MECR: variants seen among roughly 807,000 people sequenced by gnomAD.
MECR encodes mitochondrial trans-2-enoyl-CoA reductase.
In MECR, 37 loss-of-function variants were observed where a neutral mutation model predicts 49.1. That is an observed-to-expected ratio of 0.75 (90% CI 0.58 to 0.99). The LOEUF (loss-of-function observed/expected upper bound fraction) is 0.99. MECR is among the 50% of genes least tolerant of loss of function. MECR has a pLI of 0.00. For synonymous variants in MECR, 198 were observed against 191.1 expected (o/e 1.04, Z -0.30); for missense variants, 470 against 479.6 (o/e 0.98, Z 0.19).
chr1:29,191,493 C>T (rs1673131316), downstream of MECR, among the ~76,000 whole-genome samples: 1 of 152,154 alleles, frequency 6.6e-6, no homozygotes, highest in African/African-American at 2.4e-5. Flanking sequence ...GACACCTCAC[C>T]TGGCCTAAAG....
intron 1 of MECR, among the ~76,000 whole-genome samples, chr1:29,227,547 A>G (rs915385480): frequency 5.3e-5 from 8 of 152,230 alleles, no homozygotes; most frequent in African/African-American, 1.7e-4. Flanking sequence ...ACGTGAGAAC[A>G]GGAGAAACCT....
Position 29,193,610 on chromosome 1 carries a change from C to A in MECR, c.*412G>T, listed in dbSNP as rs1472329342. 5.5e-6 allele frequency: 1 copy of A among 182,190 alleles called. No homozygotes were observed. 11.3% of individuals were successfully genotyped at this position (182,190 alleles called of 1,614,324 possible). A position where few individuals can be genotyped will look rare whatever the true frequency, so the allele number is the denominator to read the frequency against. ...CATCAAAGCGTTTGTTCTACAGGAC[C>A]CTCGTCTGTGGGCTTGTGCAGCTTG... On this transcript the variant is annotated 3_prime_UTR_variant, in exon 10 of 10. Coordinates refer to ENST00000263702, the MANE Select transcript of MECR (RefSeq NM_016011.5).
chr1:29,178,453 C>A, the MECR span, among the ~76,000 whole-genome samples: 2 of 151,574 alleles, frequency 1.3e-5, no homozygotes, highest in African/African-American at 4.9e-5. Flanking sequence ...ACGCCATTCT[C>A]CTGCCTCAGC....
chr1:29,184,770 C>T, the MECR span, among the ~76,000 whole-genome samples: 113 of 151,052 alleles, frequency 7.5e-4, 4 homozygotes, highest in South Asian at 0.022. Flanking sequence ...CAGGCCACAG[C>T]GCCCAGCCTA....
intron 4 of MECR, among the ~76,000 whole-genome samples, chr1:29,205,239 C>T (rs1400185032): frequency 2.6e-5 from 4 of 152,172 alleles, no homozygotes; most frequent in East Asian, 1.9e-4. Context: ...GGCTGGAGTG[C>T]GGTGGTGCAA....
chr1:29,197,498 C>T (rs1574257850), intron 7 of MECR, among the ~76,000 whole-genome samples: 1 of 152,168 alleles, frequency 6.6e-6, no homozygotes, highest in Non-Finnish European at 1.5e-5. Flanking sequence ...AGTGAATAAG[C>T]CTGGAGTTCA....
chr1:29,181,913 C>T, the MECR span: 1 of 469,440 alleles, frequency 2.1e-6, no homozygotes, highest in Non-Finnish European at 3.5e-6. Flanking sequence ...CTCGCGAGCG[C>T]GCGCTTCCAC....
chr1:29,226,416 C>T (rs1449663970), intron 1 of MECR, among the ~76,000 whole-genome samples: 4 of 152,100 alleles, frequency 2.6e-5, no homozygotes, highest in Non-Finnish European at 4.4e-5. Flanking sequence ...GAATGACCTA[C>T]AATTTCACCT....
chr1:29,187,553 A>T, the MECR span, among the ~76,000 whole-genome samples: 3 of 151,650 alleles, frequency 2.0e-5, no homozygotes, highest in Non-Finnish European at 4.4e-5. Context: ...CCCTGAGGAA[A>T]GTGTGCGTAA....
At chr1:29,203,300 C>A in intron 4 of MECR, 67 bp from the exon 5 acceptor site, 2 of 1,291,432 alleles carry the variant, frequency 1.5e-6, no homozygotes, top group South Asian at 2.7e-5. Context: ...AGGCTCCCAG[C>A]CGGGGATCCT....
the MECR span, among the ~76,000 whole-genome samples, chr1:29,167,837 A>AT: frequency 6.6e-6 from 1 of 152,176 alleles, no homozygotes; most frequent in Non-Finnish European, 1.5e-5. Context: ...TATTTCATCC[A>AT]TTTGTATATC....
At chr1:29,209,691 G>A (rs772532197) in intron 3 of MECR, among the ~76,000 whole-genome samples, 3 of 152,218 alleles carry the variant, frequency 2.0e-5, no homozygotes, top group Non-Finnish European at 2.9e-5. Context: ...AAGGGGTGAA[G>A]AGGGTAGGCT....
In MECR at chr1:29,216,122, G is replaced by C. The variant is rs1679339682; in HGVS notation, c.289C>G (p.Leu97Val). Residue 97 changes from leucine (L) to valine (V), a missense_variant, in exon 3 of 10, where the codon CTT becomes GTT. Coordinates refer to ENST00000263702, the MANE Select transcript of MECR (RefSeq NM_016011.5). ...CCTCCAACAGCAGGCAGTTCAGGAA[G>C]GAATCCGTAGTTTCCTGAGGGAGAA... ...INMIQGNYGF[L>V]PELPAVGGNE... 6.2e-7 allele frequency: 1 copy of C among 1,613,890 alleles called. No individual in the cohort carries two copies. The highest frequency in any genetic ancestry group is 1.7e-5 in the Admixed American group (1 of 59,996).
intron 7 of MECR, among the ~76,000 whole-genome samples, chr1:29,196,514 C>CCA (rs1674041425): frequency 1.3e-5 from 2 of 152,114 alleles, no homozygotes; most frequent in East Asian, 3.9e-4. Context: ...AAAGGAGACC[C>CCA]CATCTCTACA....
intron 9 of MECR, among the ~76,000 whole-genome samples, chr1:29,195,594 C>T (rs1372491865): frequency 1.3e-5 from 2 of 152,212 alleles, no homozygotes; most frequent in African/African-American, 2.4e-5. Flanking sequence ...TGCTCAAGGT[C>T]CCACTGCTGG....
chr1:29,203,851 GA>G (rs1223749559), intron 4 of MECR, among the ~76,000 whole-genome samples: 1 of 152,226 alleles, frequency 6.6e-6, no homozygotes, highest in African/African-American at 2.4e-5. Flanking sequence ...GCACTGCCTT[GA>G]AATGGGATTA....
chr1:29,228,481 A>G (rs1425835853), intron 1 of MECR, among the ~76,000 whole-genome samples: 7 of 151,704 alleles, frequency 4.6e-5, no homozygotes. Context: ...CCTCCCGAGT[A>G]GCTGGAACTA....
At chr1:29,191,164 G>T (rs140694551), downstream of MECR, among the ~76,000 whole-genome samples, 1 of 152,216 alleles carries the variant, frequency 6.6e-6, no homozygotes, top group African/African-American at 2.4e-5. Flanking sequence ...CATTCTGCAC[G>T]TTCCTCCAGA....
Position 29,200,581 on chromosome 1 carries a change from G to C in MECR, c.765C>G (p.Pro255=). The C allele has an allele frequency of 6.2e-7, 1 of 1,613,740 alleles. No individual in the cohort carries two copies. The highest frequency in any genetic ancestry group is 8.5e-7 in the Non-Finnish European group (1 of 1,179,700). Residue 255 remains proline, a synonymous_variant, in exon 7 of 10, where the codon CCC becomes CCG. Transcript: ENST00000263702. ...CACAGTTGAGAGCAAGCCGTGGCTG[G>C]GGCATGTCCTGGAAAACAACAAAAG... ...PEMKNFFKDM[P]QPRLALNCVG...
Sources: gnomAD v4.1 joint callset for allele counts (sites outside exome capture counted in the v4.1 genomes callset) on GRCh38, gnomAD v4.1.1 for gene constraint, MANE v1.5 for transcripts, NCBI Gene and HGNC (gene_info 2026-07-23, HGNC 2026-07-21) for gene names.